Variants in SLC29A2 observed in about 807,000 individuals in gnomAD.
The protein encoded by SLC29A2 is solute carrier family 29 member 2.
In SLC29A2, 37 loss-of-function variants were observed where a neutral mutation model predicts 48.8. The observed-to-expected ratio is 0.76, with a 90% CI of 0.58 to 1.00. The LOEUF is 1.00. SLC29A2 is among the 50% of genes least tolerant of loss of function. The probability of loss-of-function intolerance (pLI) is 0.00; values close to 1 mark genes in which losing one functional copy is unlikely to be tolerated. For missense variants in SLC29A2, 533 were observed against 578.6 expected, an observed-to-expected ratio of 0.92 and a Z score of 0.81; for synonymous variants, 233 against 261.7, an observed-to-expected ratio of 0.89 and a Z score of 1.06.
intron 11 of SLC29A2, chr11:66,363,873 G>A (rs1590644365): frequency 4.0e-6 from 2 of 502,856 alleles, no homozygotes; most frequent in East Asian, 7.2e-5. Flanking sequence ...CCATGACCTT[G>A]TTTTTGGTCA....
intron 2 of SLC29A2, 138 bp downstream of exon 2, chr11:66,371,106 C>T: frequency 1.3e-6 from 1 of 751,930 alleles, no homozygotes; most frequent in Non-Finnish European, 2.3e-6. Context: ...ATTCCCCTCT[C>T]CGAGCTTCAG....
rs1227389278 is a variant in SLC29A2 at position 66,371,230 on chromosome 11, G to A, written c.111+14C>T. 8.7e-6 allele frequency: 14 copies of A among 1,612,276 alleles called. No individual in the cohort carries two copies. Among genetic ancestry groups the A allele is most frequent in the Non-Finnish European group, 1.2e-5 (14 of 1,178,914 alleles). On this transcript the variant is annotated intron_variant, in intron 2 of 11. Transcript: ENST00000357440. The stretch of plus-strand genomic sequence containing the variant: ...GCTGTGGCCACGAGGCTGCCACGCC[G>A]CCAGGAGTCTCACCGGGATGGCGGT...
intron 6 of SLC29A2, 21 bp from the exon 7 acceptor site, chr11:66,367,569 G>T: frequency 6.2e-7 from 1 of 1,612,596 alleles, no homozygotes; most frequent in Non-Finnish European, 8.5e-7. Flanking sequence ...ACAGGAAAGT[G>T]TTGGGCCTGC....
In SLC29A2 at chr11:66,366,034, C is replaced by A; in HGVS notation, c.974-13G>T. 3 of 1,613,614 alleles carry A rather than the reference C, an allele frequency of 1.9e-6. No homozygotes were observed. Among genetic ancestry groups the A allele is most frequent in the Non-Finnish European group, 2.5e-6 (3 of 1,179,518 alleles). On this transcript the variant is annotated splice_polypyrimidine_tract_variant and intron_variant, in intron 9 of 11. Coordinates refer to ENST00000357440, the MANE Select transcript of SLC29A2 (RefSeq NM_001532.3). ...TTGAAGAACTGACCTGGGAGGGAAA[C>A]GGCTGCAGCTCATACTGGTCTCCAA...
rs765157382 is a variant in SLC29A2, at chr11:66,363,531, C to T, written c.1276G>A (p.Glu426Lys). ...CLAPRQVLPH[E>K]REVAGALMTF... ...ATGAGGGCGCCGGCCACCTCCCTCTCGTGTGGCAGCACCTGCCTAGAACAC... is the reference window on the plus strand; with the variant it reads ...ATGAGGGCGCCGGCCACCTCCCTCTTGTGTGGCAGCACCTGCCTAGAACAC... The change falls in exon 12 of 12, where the codon GAG becomes AAG. Residue 426 changes from glutamate to lysine, a missense_variant. Glu to Lys is a moderately conservative substitution (Grantham distance 56). Coordinates refer to ENST00000357440, the MANE Select transcript of SLC29A2 (RefSeq NM_001532.3). 2.5e-6 allele frequency: 4 copies of T among 1,613,328 alleles called. No individual in the cohort carries two copies. The highest frequency in any genetic ancestry group is 3.4e-6 in the Non-Finnish European group (4 of 1,179,606).
At chr11:66,371,434 T>G in intron 1 of SLC29A2, 109 bp from the exon 2 acceptor site, 3 of 1,508,250 alleles carry the variant, frequency 2.0e-6, no homozygotes, top group Non-Finnish European at 2.7e-6. Context: ...ATCACCCCGG[T>G]TCCGGCGGCC....
intron 11 of SLC29A2, chr11:66,363,837 A>C (rs1166639705): frequency 1.9e-6 from 1 of 527,600 alleles, no homozygotes; most frequent in South Asian, 2.1e-5. Context: ...TGGATTCTCC[A>C]CTCCATTGCC....
Position 66,364,300 on chromosome 11 carries a change from T to C in SLC29A2, c.1184A>G (p.Tyr395Cys), listed in dbSNP as rs747250921. The change falls in exon 11 of 12, where the codon TAC (tyrosine) becomes TGC (cysteine). Residue 395 changes from tyrosine (Y) to cysteine (C), a missense_variant. Tyr to Cys is a radical substitution (Grantham distance 194). Transcript: ENST00000357440. The stretch of plus-strand genomic sequence containing the variant: ...AAAGAGCAGCATGAAGGTGATGAAG[T>C]AGGCATCCTGTGGGAAGAGGATGGG... The part of the protein sequence containing the change: ...RLPILFPQDA[Y>C]FITFMLLFAV... 1.6e-5 allele frequency: 26 copies of C among 1,613,060 alleles called. No homozygotes were observed. The highest frequency in any genetic ancestry group is 2.1e-5 in the Non-Finnish European group (25 of 1,179,800).
In SLC29A2 at chr11:66,363,476, C is replaced by T. The variant is rs1260659494; in HGVS notation, c.1331G>A (p.Cys444Tyr). Residue 444 changes from cysteine (C) to tyrosine (Y), a missense_variant, in exon 12 of 12, where the codon TGT (cysteine) becomes TAT (tyrosine). Transcript: ENST00000357440. ...GAAGAGGAAGGAGAGGGAGGCTCCA[C>T]AGGAAAGTCCCAGGGCCAGGAAGAA... is the stretch of plus-strand genomic sequence containing the variant. ...MTFFLALGLSCGASLSFLFKA... is the reference protein window; with the variant it reads ...MTFFLALGLSYGASLSFLFKA... The T allele has an allele frequency of 3.1e-6, 5 of 1,614,062 alleles. No homozygotes were observed. The highest frequency in any genetic ancestry group is 4.2e-6 in the Non-Finnish European group (5 of 1,180,014).
rs1190824042 is a variant in SLC29A2 at position 66,362,597 on chromosome 11, G to T, written c.*839C>A. ...GCAAAAACGGGGAGTAAGTGCCCAG[G>T]CTCCTGCCCCAAACCCCTTGAGGAA... On this transcript the variant is annotated 3_prime_UTR_variant, in exon 12 of 12. Coordinates refer to ENST00000357440, the MANE Select transcript of SLC29A2 (RefSeq NM_001532.3). The T allele has an allele frequency of 6.6e-6, 1 of 152,262 alleles. No individual in the cohort carries two copies. The highest frequency in any genetic ancestry group is 2.1e-4 in the South Asian group (1 of 4,832). The allele number at this position is 152,262 out of a possible 1,614,324, so 9.4% of individuals were successfully genotyped here.
chr11:66,369,423 A>G lies in SLC29A2; in HGVS notation c.221T>C (p.Leu74Pro). Residue 74 changes from leucine to proline, a missense_variant, in exon 3 of 12, where the codon CTG becomes CCG. Coordinates refer to ENST00000357440, the MANE Select transcript of SLC29A2 (RefSeq NM_001532.3). The part of the protein sequence containing the change: ...AFNFNNWVTL[L>P]SQLPLLLFTL... ...GAAGAGCAGCAGGGGCAGCTGGGACAGCAGCGTCACCCAATTGTTGAAGTT... is the reference window on the plus strand; with the variant it reads ...GAAGAGCAGCAGGGGCAGCTGGGACGGCAGCGTCACCCAATTGTTGAAGTT... 1 of 1,614,106 alleles carries G rather than the reference A, an allele frequency of 6.2e-7. No homozygotes were observed. Among genetic ancestry groups the G allele is most frequent in the Non-Finnish European group, 8.5e-7 (1 of 1,179,986 alleles).
At chr11:66,367,916 G>A (rs202223986) in intron 5 of SLC29A2, 47 bp from the exon 6 acceptor site, 111 of 1,492,476 alleles carry the variant, frequency 7.4e-5, no homozygotes, top group Non-Finnish European at 9.5e-5. Context: ...GGTCCCGCCG[G>A]CTCCCACGGG....
At position 66,368,809 on chromosome 11, in the gene SLC29A2, C is replaced by T. The variant is rs529277773; in HGVS notation, c.416-138G>A. ...AGCTTCCCTAGGGACTCTGAGCACT[C>T]GGGGGCAACACCCGCTATTCAGTCC... On this transcript the variant is annotated intron_variant, in intron 4 of 11. Transcript: ENST00000357440. 6 of 1,223,844 alleles carry T rather than the reference C, an allele frequency of 4.9e-6. No individual in the cohort carries two copies. The South Asian group carries it at 5.2e-5, about 11-fold the overall frequency. The allele number at this position is 1,223,844 out of a possible 1,614,324, so 75.8% of individuals were successfully genotyped here.
chr11:66,369,343 C>T (rs753517503), intron 3 of SLC29A2, 26 bp downstream of exon 3: 19 of 1,613,324 alleles, frequency 1.2e-5, no homozygotes, highest in Admixed American at 1.7e-5. Context: ...CGGCAGAGGG[C>T]GCAGGAGCCA....
At position 66,366,594 on chromosome 11, in the gene SLC29A2, T is replaced by A. The variant is rs1485657294; in HGVS notation, c.734-30A>T. 3 of 1,608,834 alleles carry A rather than the reference T, an allele frequency of 1.9e-6. No individual in the cohort carries two copies. The African/African-American group carries it at 4.0e-5, about 22-fold the overall frequency. The stretch of plus-strand genomic sequence containing the variant: ...GGTGAGGGGGGACGGGGAAGGGTCA[T>A]GCTTGTGACCCAGGTTTCCCGACAG... On this transcript the variant is annotated intron_variant, in intron 7 of 11. Transcript: ENST00000357440.
At chr11:66,371,122 A>C in intron 2 of SLC29A2, 122 bp downstream of exon 2, 1 of 821,806 alleles carries the variant, frequency 1.2e-6, no homozygotes, top group Non-Finnish European at 2.1e-6. Flanking sequence ...TTCAGCCCAT[A>C]ATGAGCTCAA....
rs564381843 is a variant in SLC29A2 at position 66,367,863 on chromosome 11, ACGCCAC to A, written c.551_556del (p.Ser184_Val186delinsMet). ...CCCCAGGGCAGAGGTCTCGGCGTCC[ACGCCAC>A]CTGCGGAGGAACTTCAGCTGCAGAA... On this transcript the variant is annotated inframe_deletion and splice_region_variant, in exon 6 of 12. Transcript: ENST00000357440. The A allele has an allele frequency of 3.5e-4, 559 of 1,613,988 alleles. 5 individuals are homozygous for A. In the South Asian group the frequency reaches 5.7e-3, roughly 17 times the overall value.
At position 66,364,249 on chromosome 11, in the gene SLC29A2, G is replaced by A; in HGVS notation, c.1235C>T (p.Ser412Phe). The stretch of plus-strand genomic sequence containing the variant: ...CCTGGGCGCCAGGCACATGGTGAGG[G>A]ACACCAGGTAGCCATTAGAAACGGC... ...LFAVSNGYLV[S>F]LTMCLAPRQV... Residue 412 changes from serine (S) to phenylalanine (F), a missense_variant, in exon 11 of 12, where the codon TCC (serine) becomes TTC (phenylalanine). Ser to Phe is a radical substitution (Grantham distance 155, BLOSUM62 -2). Transcript: ENST00000357440. 2 of 1,613,016 alleles carry A rather than the reference G, an allele frequency of 1.2e-6. No homozygotes were observed. The highest frequency in any genetic ancestry group is 1.7e-6 in the Non-Finnish European group (2 of 1,179,626).
rs756395068 is a variant in SLC29A2, at chr11:66,368,629, C to T, written c.458G>A (p.Gly153Asp). ...GGTGCTGTAGGTGGAGGGCATGGTG[C>T]CCAGCTGCCCGAAGAGGCTGCCCTG... ...VLQGSLFGQL[G>D]TMPSTYSTLF... Residue 153 changes from glycine to aspartate, a missense_variant, in exon 5 of 12, where the codon GGC (glycine) becomes GAC (aspartate). Gly to Asp is a moderately conservative substitution (Grantham distance 94). Coordinates refer to ENST00000357440, the MANE Select transcript of SLC29A2 (RefSeq NM_001532.3). The T allele has an allele frequency of 1.2e-6, 2 of 1,603,946 alleles. No individual in the cohort carries two copies. Among genetic ancestry groups the T allele is most frequent in the Non-Finnish European group, 1.7e-6 (2 of 1,175,406 alleles).
Sources: allele counts gnomAD v4.1 joint callset, GRCh38; gene constraint gnomAD v4.1.1; transcripts MANE v1.5; gene names NCBI Gene and HGNC (gene_info 2026-07-23, HGNC 2026-07-21).